Variants in ZWILCH observed in about 807,000 individuals in gnomAD.
The protein encoded by ZWILCH is zwilch kinetochore protein.
Under a neutral mutation model 79.9 loss-of-function variants are expected in ZWILCH, and 74 were observed. The observed-to-expected ratio is 0.93, with a 90% CI of 0.77 to 1.12. The LOEUF is 1.12. ZWILCH is among the 50% of genes most tolerant of loss of function. The pLI, the probability that ZWILCH is intolerant of heterozygous loss-of-function variation, is 0.00. For synonymous variants in ZWILCH, 241 were observed against 228.2 expected (o/e 1.06, Z -0.51); for missense variants, 694 against 687.5 (o/e 1.01, Z -0.11).
chr15:66,527,323 G>A lies in ZWILCH; in HGVS notation c.853G>A (p.Glu285Lys). ...TGATGGTTTGAGGACTGGTGTCACT[G>A]AATGGCTCGAGCCCCTGGAAGCAAA... ...LADGLRTGVT[E>K]WLEPLEAKSA... is the part of the protein sequence containing the mutation. The change falls in exon 9 of 19, where the codon GAA becomes AAA. Residue 285 changes from glutamate to lysine, a missense_variant. Coordinates refer to ENST00000307897, the MANE Select transcript of ZWILCH (RefSeq NM_017975.5). 2 of 1,614,100 alleles carry A rather than the reference G, an allele frequency of 1.2e-6. No individual in the cohort carries two copies. The highest frequency in any genetic ancestry group is 1.7e-6 in the Non-Finnish European group (2 of 1,180,002).
chr15:66,514,244 C>A, intron 3 of ZWILCH, 161 bp downstream of exon 3: 2 of 408,132 alleles, frequency 4.9e-6, no homozygotes, highest in Non-Finnish European at 8.9e-6. Flanking sequence ...TAAATATGAA[C>A]CACATATGCA....
At chr15:66,540,052 G>T in intron 16 of ZWILCH, 46 bp from the exon 17 acceptor site, 1 of 1,389,578 alleles carries the variant, frequency 7.2e-7, no homozygotes, top group Non-Finnish European at 1.0e-6. Flanking sequence ...GGAAGTAAAT[G>T]GCTGTTTTTG....
intron 18 of ZWILCH, 27 bp downstream of exon 18, chr15:66,546,732 T>C: frequency 7.5e-7 from 1 of 1,324,844 alleles, no homozygotes. Context: ...TTTAGTCTCT[T>C]TGTCAAATAC....
chr15:66,510,341 C>T (rs1165912070), intron 2 of ZWILCH, among the ~76,000 whole-genome samples: 1 of 148,240 alleles, frequency 6.7e-6, no homozygotes, highest in African/African-American at 2.5e-5. Context: ...GAGCAGAGAT[C>T]GCACCACTGC....
At chr15:66,527,106 A>T (rs1325894867) in intron 8 of ZWILCH, among the ~76,000 whole-genome samples, 184 bp from the exon 9 acceptor site, 1 of 152,258 alleles carries the variant, frequency 6.6e-6, no homozygotes, top group East Asian at 1.9e-4. Context: ...TAATAGTAAT[A>T]TCTACCATAG....
Position 66,540,193 on chromosome 15 carries a change from T to C in ZWILCH, c.1670T>C (p.Leu557Pro), listed in dbSNP as rs767166759. The C allele has an allele frequency of 1.2e-6, 2 of 1,611,002 alleles. No individual in the cohort carries two copies. The highest frequency in any genetic ancestry group is 2.7e-5 in the African/African-American group (2 of 74,738). The change falls in exon 17 of 19, where the codon CTG becomes CCG. Residue 557 changes from leucine to proline, a missense_variant. By Grantham distance (98) the Leu-to-Pro change is moderately conservative. Coordinates refer to ENST00000307897, the MANE Select transcript of ZWILCH (RefSeq NM_017975.5). The stretch of plus-strand genomic sequence containing the variant: ...AGTGACAGCTCACCCATAGACCATC[T>C]GAATTTTCACAAACCTGGTAAAGAT... ...QLSDSSPIDH[L>P]NFHKPDFSEL...
chr15:66,537,357 A>G (rs1181134022), intron 16 of ZWILCH, 94 bp downstream of exon 16: 2 of 864,634 alleles, frequency 2.3e-6, no homozygotes, highest in Non-Finnish European at 3.7e-6. Context: ...CAGGAGTTCG[A>G]GACCAGCCTG....
intron 17 of ZWILCH, among the ~76,000 whole-genome samples, chr15:66,545,976 G>A (rs1218212761): frequency 1.3e-5 from 2 of 152,196 alleles, no homozygotes; most frequent in Non-Finnish European, 2.9e-5. Context: ...AGAGAGAAAT[G>A]TGTACTTTTA....
At chr15:66,527,261 A>C in intron 8 of ZWILCH, 29 bp from the exon 9 acceptor site, 1 of 1,540,746 alleles carries the variant, frequency 6.5e-7, no homozygotes, top group South Asian at 1.1e-5. Flanking sequence ...TCTGCTAACA[A>C]GTTTTTGGGG....
intron 15 of ZWILCH, 129 bp downstream of exon 15, chr15:66,536,198 A>G (rs1344206869): frequency 1.3e-6 from 1 of 794,432 alleles, no homozygotes; most frequent in Non-Finnish European, 1.9e-6. Context: ...AGTAGCATGC[A>G]TGAGTCTAAG....
At position 66,548,677 on chromosome 15, in the gene ZWILCH, A is replaced by G; in HGVS notation, c.*353A>G. The G allele has an allele frequency of 1.3e-6, 1 of 763,370 alleles. No homozygotes were observed. The highest frequency in any genetic ancestry group is 2.3e-6 in the Non-Finnish European group (1 of 440,774). The allele number at this position is 763,370 out of a possible 1,614,324, so 47.3% of individuals were successfully genotyped here. A position where few individuals can be genotyped will look rare whatever the true frequency, so the allele number is the denominator to read the frequency against. ...TTTAGTAAATACAGCTTTATCCCAA[A>G]AGCTTTAACTGTATTGGGAAAACTT... On this transcript the variant is annotated 3_prime_UTR_variant, in exon 19 of 19. Transcript: ENST00000307897.
intron 16 of ZWILCH, among the ~76,000 whole-genome samples, chr15:66,539,364 A>G (rs1895120640): frequency 7.0e-6 from 1 of 143,480 alleles, no homozygotes; most frequent in Admixed American, 7.5e-5. Context: ...TGATCACGCC[A>G]CTGCACTCCA....
chr15:66,540,183 A>G lies in ZWILCH; in HGVS notation c.1660A>G (p.Ile554Val), dbSNP rs1323850605. The G allele has an allele frequency of 6.2e-7, 1 of 1,612,806 alleles. No homozygotes were observed. Among genetic ancestry groups the G allele is most frequent in the Non-Finnish European group, 8.5e-7 (1 of 1,179,312 alleles). ...TTGGCAACTGAGTGACAGCTCACCC[A>G]TAGACCATCTGAATTTTCACAAACC... ...TVWQLSDSSP[I>V]DHLNFHKPDF... The change falls in exon 17 of 19, where the codon ATA (isoleucine) becomes GTA (valine). Residue 554 changes from isoleucine (I) to valine (V), a missense_variant. Physicochemically the swap from Ile to Val is conservative, Grantham distance 29 (BLOSUM62 3). Coordinates refer to ENST00000307897, the MANE Select transcript of ZWILCH (RefSeq NM_017975.5).
intron 7 of ZWILCH, among the ~76,000 whole-genome samples, chr15:66,522,343 T>G (rs187777125): frequency 6.6e-6 from 1 of 151,440 alleles, no homozygotes; most frequent in East Asian, 1.9e-4. Context: ...TTTTTTTTTT[T>G]TTTTTTCTGG....
intron 3 of ZWILCH, 87 bp downstream of exon 3, chr15:66,514,170 A>G (rs910011697): frequency 7.9e-6 from 7 of 883,560 alleles, no homozygotes; most frequent in African/African-American, 1.7e-5. Context: ...ACGTTTTAAA[A>G]TCAGCATCGG....
At chr15:66,515,170 G>A (rs1434478640) in intron 3 of ZWILCH, among the ~76,000 whole-genome samples, 2 of 150,782 alleles carry the variant, frequency 1.3e-5, no homozygotes, top group Non-Finnish European at 2.9e-5. Flanking sequence ...GGTTTGTCTC[G>A]ACCTCTTGGG....
intron 10 of ZWILCH, 87 bp from the exon 11 acceptor site, chr15:66,528,765 A>G: frequency 1.8e-6 from 2 of 1,104,898 alleles, no homozygotes; most frequent in South Asian, 2.7e-5. Flanking sequence ...TCATGAATCC[A>G]TAATTTCTCA....
Position 66,517,430 on chromosome 15 carries a change from G to GTGTGTGTATATA in ZWILCH, c.321-1448_321-1447insGTGTGTATATAT. 2.7e-3 allele frequency among the ~76,000 whole-genome samples: 177 copies of GTGTGTGTATATA among 66,502 alleles called. 1 individual carries two copies. In the East Asian group the frequency reaches 0.037, roughly 14 times the overall value. The allele number at this position is 66,502 out of a possible 152,430, so 43.6% of individuals were successfully genotyped here. On this transcript the variant is annotated intron_variant, in intron 4 of 18. Transcript: ENST00000307897. ...TGTTTGTGTGTGCGTGTGTGTGTGT[G>GTGTGTGTATATA]TATATATATATATATATATATATAT... is the stretch of plus-strand genomic sequence containing the variant.
intron 2 of ZWILCH, among the ~76,000 whole-genome samples, chr15:66,511,284 GA>G (rs1207920893): frequency 6.6e-6 from 1 of 152,080 alleles, no homozygotes; most frequent in Non-Finnish European, 1.5e-5. Context: ...TGAGGAGTTT[GA>G]AACCAGCCTG....
Sources: allele counts gnomAD v4.1 joint callset (sites outside exome capture counted in the v4.1 genomes callset), GRCh38; gene constraint gnomAD v4.1.1; transcripts MANE v1.5; gene names NCBI Gene and HGNC (gene_info 2026-07-23, HGNC 2026-07-21).